The following ATL1 variants were observed in gnomAD, a reference collection of about 807,000 sequenced individuals.
ATL1 encodes the protein atlastin GTPase 1, also known as atlastin-1.
A neutral mutation model predicts 75.5 loss-of-function variants in ATL1; 31 were observed. That is an observed-to-expected ratio of 0.41 (90% CI 0.31 to 0.55). The LOEUF (loss-of-function observed/expected upper bound fraction) is 0.55. Ranked by LOEUF, ATL1 falls within the 20% of genes least tolerant of loss-of-function variation. The probability of loss-of-function intolerance (pLI) is 0.27; values close to 1 mark genes in which losing one functional copy is unlikely to be tolerated. For missense variants in ATL1, 405 were observed against 662.6 expected (o/e 0.61, Z 4.27); for synonymous variants, 226 against 233.3 (o/e 0.97, Z 0.28).
intron 6 of ATL1, among the ~76,000 whole-genome samples, chr14:50,603,637 A>G (rs1205549031): frequency 6.6e-6 from 1 of 152,182 alleles, no homozygotes; most frequent in Non-Finnish European, 1.5e-5. Context: ...TGATTTGAGA[A>G]TGTCCATTTG....
chr14:50,583,391 T>C (rs999396823), intron 1 of ATL1, among the ~76,000 whole-genome samples: 3 of 152,204 alleles, frequency 2.0e-5, no homozygotes, highest in Non-Finnish European at 2.9e-5. Flanking sequence ...ATGAGACCAA[T>C]GCATTAAAGC....
At chr14:50,582,804 C>T (rs1191363975) in intron 1 of ATL1, among the ~76,000 whole-genome samples, 2 of 152,068 alleles carry the variant, frequency 1.3e-5, no homozygotes, top group African/African-American at 4.8e-5. Flanking sequence ...AAGTCATAGG[C>T]AACTCATTTA....
At position 50,614,438 on chromosome 14, in the gene ATL1, C is replaced by T. The variant is rs1481480055; in HGVS notation, c.789C>T (p.Asn263=). ...AACACATCCATTCCTGTTTCACCAACATTTCCTGTTTTCTGCTACCTCATC... is the reference window on the plus strand; with the variant it reads ...AACACATCCATTCCTGTTTCACCAATATTTCCTGTTTTCTGCTACCTCATC... ...VRKHIHSCFT[N]ISCFLLPHPG... The change falls in exon 8 of 14, where the codon AAC becomes AAT. Residue 263 remains asparagine, a synonymous_variant. Coordinates refer to ENST00000358385, the MANE Select transcript of ATL1 (RefSeq NM_015915.5). 6.2e-7 allele frequency: 1 copy of T among 1,613,984 alleles called. No homozygotes were observed. The highest frequency in any genetic ancestry group is 8.5e-7 in the Non-Finnish European group (1 of 1,179,904).
chr14:50,550,253 G>A (rs1333505358), intron 1 of ATL1, among the ~76,000 whole-genome samples: 3 of 152,236 alleles, frequency 2.0e-5, no homozygotes, highest in African/African-American at 7.2e-5. Flanking sequence ...GTGTGGTACT[G>A]TAAGCCAGAA....
Position 50,628,249 on chromosome 14 carries a change from T to C in ATL1, c.1338T>C (p.Arg446=), listed in dbSNP as rs1428536940. 6.2e-6 allele frequency: 10 copies of C among 1,614,212 alleles called. No individual in the cohort carries two copies. Among genetic ancestry groups the C allele is most frequent in the Non-Finnish European group, 8.5e-6 (10 of 1,180,032 alleles). Residue 446 remains arginine (R), a synonymous_variant, in exon 12 of 14, where the codon CGT becomes CGC. Transcript: ENST00000358385. The stretch of plus-strand genomic sequence containing the variant: ...GCAAAAATATCTTCCATGCAGCTCG[T>C]ACCCCAGCCACACTGTTTGTAGTCA... ...NDSKNIFHAA[R]TPATLFVVIF... is the part of the protein sequence containing the mutation.
chr14:50,536,702 G>A (rs2038497556), intron 1 of ATL1, among the ~76,000 whole-genome samples: 2 of 152,324 alleles, frequency 1.3e-5, no homozygotes, highest in Non-Finnish European at 1.5e-5. Flanking sequence ...GTTGGAACTG[G>A]AGCAAAGGTG....
chr14:50,570,486 T>C (rs2038944993), intron 1 of ATL1, among the ~76,000 whole-genome samples: 4 of 152,278 alleles, frequency 2.6e-5, no homozygotes, highest in Middle Eastern at 3.4e-3. Flanking sequence ...AGTGATCCTC[T>C]CACTTCACCT....
chr14:50,598,908 C>G (rs2039246355), intron 6 of ATL1, among the ~76,000 whole-genome samples: 1 of 152,174 alleles, frequency 6.6e-6, no homozygotes, highest in Non-Finnish European at 1.5e-5. Flanking sequence ...GAAGAAAGAG[C>G]TGGATTTTTA....
At chr14:50,574,960 T>TATAC (rs1291621763) in intron 1 of ATL1, among the ~76,000 whole-genome samples, 2 of 135,614 alleles carry the variant, frequency 1.5e-5, no homozygotes, top group Non-Finnish European at 3.2e-5. Flanking sequence ...TATATATATA[T>TATAC]ATATATATAT....
upstream of ATL1, among the ~76,000 whole-genome samples, chr14:50,555,523 A>G (rs776353179): frequency 2.0e-5 from 3 of 152,138 alleles, no homozygotes; most frequent in African/African-American, 4.8e-5. Flanking sequence ...AGCTCAGGCA[A>G]TCTGCCCGCC....
chr14:50,618,891 A>T (rs2018785), intron 8 of ATL1, among the ~76,000 whole-genome samples: 4,034 of 95,650 alleles, frequency 0.042, 78 homozygotes, highest in Middle Eastern at 0.099. Context: ...ATATATATAT[A>T]TTTTTTTTTC....
rs3015446 is a variant in ATL1, at chr14:50,616,763, T to A, written c.862+2252T>A. Among the ~76,000 whole-genome samples the A allele has an allele frequency of 8.5e-3, 1,287 of 152,290 alleles. 26 individuals carry two copies. The highest frequency in any genetic ancestry group is 0.029 in the African/African-American group (1,206 of 41,552). ...AAGGCAGCTTCAATTTCCATAAAAG[T>A]TCCATTTTAATGAGACTTTTATATC... On this transcript the variant is annotated intron_variant, in intron 8 of 13. Transcript: ENST00000358385.
intron 11 of ATL1, among the ~76,000 whole-genome samples, chr14:50,623,817 G>A (rs1176812284): frequency 6.6e-6 from 1 of 152,102 alleles, no homozygotes; most frequent in Non-Finnish European, 1.5e-5. Context: ...TTGGGAGGCC[G>A]AGGCAGGTGG....
chr14:50,572,126 G>T (rs925583116), intron 1 of ATL1: 2 of 439,066 alleles, frequency 4.6e-6, no homozygotes, highest in African/African-American at 2.1e-5. Context: ...AATCCAGAGG[G>T]TGAGCTTTGC....
At chr14:50,589,176 T>TG (rs2039131435) in intron 2 of ATL1, among the ~76,000 whole-genome samples, 1 of 149,202 alleles carries the variant, frequency 6.7e-6, no homozygotes, top group Non-Finnish European at 1.5e-5. Context: ...TTTTTTTTTT[T>TG]GATACAGAGT....
At position 50,628,144 on chromosome 14, in the gene ATL1, A is replaced by G; in HGVS notation, c.1233A>G (p.Glu411=). The stretch of plus-strand genomic sequence containing the variant: ...GAGGGGTGAAGAAGATGGGTGGGGA[A>G]GAATTTAGCCGGCGTTACCTGCAGC... ...LFRGVKKMGG[E]EFSRRYLQQL... The change falls in exon 12 of 14, where the codon GAA becomes GAG. Residue 411 remains glutamate (E), a synonymous_variant. Transcript: ENST00000358385. 6.2e-7 allele frequency: 1 copy of G among 1,614,236 alleles called. No homozygotes were observed. The highest frequency in any genetic ancestry group is 1.1e-5 in the South Asian group (1 of 91,084).
intron 1 of ATL1, chr14:50,572,247 T>C (rs1159038943): frequency 4.6e-6 from 1 of 219,278 alleles, no homozygotes; most frequent in African/African-American, 2.3e-5. Flanking sequence ...ATAAAATGAG[T>C]AGGGGACATT....
At chr14:50,598,997 G>T (rs1177931338) in intron 6 of ATL1, among the ~76,000 whole-genome samples, 1 of 143,076 alleles carries the variant, frequency 7.0e-6, no homozygotes, top group Non-Finnish European at 1.6e-5. Context: ...GCTAATAGAA[G>T]AAAGTGCTGG....
chr14:50,534,209 C>T (rs748833498), intron 1 of ATL1, among the ~76,000 whole-genome samples: 4 of 152,108 alleles, frequency 2.6e-5, no homozygotes, highest in Admixed American at 6.6e-5. Flanking sequence ...TGCGTTACTC[C>T]AGGGAATTTC....
Sources: allele counts gnomAD v4.1 joint callset (sites outside exome capture counted in the v4.1 genomes callset), GRCh38; gene constraint gnomAD v4.1.1; transcripts MANE v1.5; gene names NCBI Gene and HGNC (gene_info 2026-07-23, HGNC 2026-07-21).